SH2D3C: variants seen among roughly 807,000 people sequenced by gnomAD.
The protein encoded by SH2D3C is SH2 domain containing 3C, also known as SH2 domain-containing protein 3C.
In SH2D3C, 25 loss-of-function variants were observed where a neutral mutation model predicts 75.2. The ratio of observed to expected loss-of-function variants is 0.33; its 90% CI spans 0.24 to 0.46. The LOEUF (loss-of-function observed/expected upper bound fraction) is 0.46. Among genes scored for constraint, SH2D3C ranks in the 20% least tolerant of loss-of-function variants. The pLI, the probability that SH2D3C is intolerant of heterozygous loss-of-function variation, is 1.00. For synonymous variants in SH2D3C, 450 were observed against 473.7 expected (o/e 0.95, Z 0.65); for missense variants, 933 against 1,165.3 (o/e 0.80, Z 2.90).
intron 3 of SH2D3C, among the ~76,000 whole-genome samples, chr9:127,755,502 G>A (rs1845356318): frequency 6.6e-6 from 1 of 152,182 alleles, no homozygotes; most frequent in Admixed American, 6.5e-5. Context: ...GGATCGGGTG[G>A]GGACCCATGG....
rs1222400409 is a variant in SH2D3C, at chr9:127,761,657, GGA to G, written c.516-9_516-8del. On this transcript the variant is annotated splice_region_variant and splice_polypyrimidine_tract_variant and intron_variant, in intron 2 of 11. Coordinates refer to ENST00000314830, the MANE Select transcript of SH2D3C (RefSeq NM_170600.3). Reference sequence around the variant, plus strand: ...CTCTGGCTCTCCAGCAGCCCTGGAAGGAGAAAAGACAAGTGAGCATCCCCAGC... The same window carrying G: ...CTCTGGCTCTCCAGCAGCCCTGGAAGGAAAAGACAAGTGAGCATCCCCAGC... 1 of 1,610,346 alleles carries G rather than the reference GGA, an allele frequency of 6.2e-7. No individual in the cohort carries two copies. Among genetic ancestry groups the G allele is most frequent in the Non-Finnish European group, 8.5e-7 (1 of 1,178,138 alleles).
intron 2 of SH2D3C, among the ~76,000 whole-genome samples, chr9:127,765,338 C>T (rs1472053249): frequency 6.6e-6 from 1 of 152,224 alleles, no homozygotes; most frequent in Non-Finnish European, 1.5e-5. Context: ...CAGGGACTAG[C>T]TCCTCTCACT....
In SH2D3C at chr9:127,739,988, A is replaced by G; in HGVS notation, c.2201-100T>C. The stretch of plus-strand genomic sequence containing the variant: ...GTGCAGGAGGGAACGGGCCTGGCTG[A>G]GGTCCGGGAGAGAGCCCCAAGGGCT... On this transcript the variant is annotated intron_variant, in intron 10 of 11. Coordinates refer to ENST00000314830, the MANE Select transcript of SH2D3C (RefSeq NM_170600.3). The surrounding 1 kb of genome is among the most constrained non-coding windows in gnomAD (Gnocchi z 4.3). 1 of 1,168,234 alleles carries G rather than the reference A, an allele frequency of 8.6e-7. No homozygotes were observed. Among genetic ancestry groups the G allele is most frequent in the Non-Finnish European group, 1.2e-6 (1 of 843,844 alleles). 72.4% of individuals were successfully genotyped at this position (1,168,234 alleles called of 1,614,324 possible).
rs773374112 is a variant in SH2D3C, at chr9:127,749,366, G to A, written c.984C>T (p.Leu328=). The part of the protein sequence containing the change: ...PVNRTFPLRY[L]EASYGLGQGS... ...CCTGTCCCAGGCCATAGCTGGCCTC[G>A]AGGTAGCGCAGTGGGAAGGTGCGGT... The change falls in exon 5 of 12, where the codon CTC becomes CTT. Residue 328 remains leucine (L), a synonymous_variant. Transcript: ENST00000314830. This position sits in a 1 kb window ranked among gnomAD's most constrained non-coding sequence, Gnocchi z 5.9. 17 of 1,613,724 alleles carry A rather than the reference G, an allele frequency of 1.1e-5. No homozygotes were observed. Among genetic ancestry groups the A allele is most frequent in the African/African-American group, 1.3e-5 (1 of 74,930 alleles).
intron 8 of SH2D3C, among the ~76,000 whole-genome samples, chr9:127,742,168 C>T (rs1018327076): frequency 1.5e-4 from 23 of 151,938 alleles, no homozygotes; most frequent in Admixed American, 1.4e-3. Context: ...AGGGGCGGGG[C>T]CAGAGCTGTG....
Position 127,749,390 on chromosome 9 carries a change from G to T in SH2D3C, c.960C>A (p.Asn320Lys). Reference sequence around the variant, plus strand: ...CGAGGTAGCGCAGTGGGAAGGTGCGGTTCACCGGGCAGTAGATGATGGCAC... The same window carrying T: ...CGAGGTAGCGCAGTGGGAAGGTGCGTTTCACCGGGCAGTAGATGATGGCAC... The part of the protein sequence containing the change: ...QSGAIIYCPV[N>K]RTFPLRYLEA... The change falls in exon 5 of 12, where the codon AAC (asparagine) becomes AAA (lysine). Residue 320 changes from asparagine (N) to lysine (K), a missense_variant. Physicochemically the swap from Asn to Lys is moderately conservative, Grantham distance 94. Coordinates refer to ENST00000314830, the MANE Select transcript of SH2D3C (RefSeq NM_170600.3). This position sits in a 1 kb window ranked among gnomAD's most constrained non-coding sequence, Gnocchi z 5.9. 1 of 1,614,082 alleles carries T rather than the reference G, an allele frequency of 6.2e-7. No homozygotes were observed. Among genetic ancestry groups the T allele is most frequent in the Non-Finnish European group, 8.5e-7 (1 of 1,180,040 alleles).
chr9:127,750,600 C>T (rs1347750063), intron 4 of SH2D3C, among the ~76,000 whole-genome samples: 1 of 152,238 alleles, frequency 6.6e-6, no homozygotes, highest in African/African-American at 2.4e-5. Context: ...AGTCCCCCAC[C>T]CTGGGCCATT....
Position 127,749,711 on chromosome 9 carries a change from G to A in SH2D3C, c.685-46C>T, listed in dbSNP as rs1228905461. The A allele has an allele frequency of 7.6e-7, 1 of 1,309,114 alleles. No homozygotes were observed. The highest frequency in any genetic ancestry group is 1.1e-6 in the Non-Finnish European group (1 of 941,250). 81.1% of individuals were successfully genotyped at this position (1,309,114 alleles called of 1,614,324 possible). Reference sequence around the variant, plus strand: ...CTGGAGTAGGGTGGGGCCAGGAGAGGGTCAGACCCAGGATCTGGGGGACAG... The same window carrying A: ...CTGGAGTAGGGTGGGGCCAGGAGAGAGTCAGACCCAGGATCTGGGGGACAG... On this transcript the variant is annotated intron_variant, in intron 4 of 11. Coordinates refer to ENST00000314830, the MANE Select transcript of SH2D3C (RefSeq NM_170600.3). This position sits in a 1 kb window ranked among gnomAD's most constrained non-coding sequence, Gnocchi z 5.9.
At chr9:127,773,556 T>G (rs1265868848) in intron 2 of SH2D3C, among the ~76,000 whole-genome samples, 1 of 152,188 alleles carries the variant, frequency 6.6e-6, no homozygotes, top group Non-Finnish European at 1.5e-5. Context: ...CTTTTGCTAA[T>G]TACAAGTAAA....
intron 5 of SH2D3C, among the ~76,000 whole-genome samples, chr9:127,748,012 T>C (rs1325932129): frequency 1.3e-5 from 2 of 152,020 alleles, no homozygotes; most frequent in Non-Finnish European, 2.9e-5. Flanking sequence ...GAGGAGAGGA[T>C]GGGAAAGGGG....
At chr9:127,773,932 G>T in intron 2 of SH2D3C, 58 bp downstream of exon 2, 2 of 963,866 alleles carry the variant, frequency 2.1e-6, no homozygotes, top group Non-Finnish European at 3.1e-6. Context: ...AAAAAAAAAA[G>T]AAAAAGAAAA....
chr9:127,747,112 C>T, intron 6 of SH2D3C, 35 bp downstream of exon 6: 7 of 1,603,982 alleles, frequency 4.4e-6, no homozygotes, highest in Non-Finnish European at 6.0e-6. Context: ...ACAACAGATT[C>T]CCTCCACCTG....
rs1845294348 is a variant in SH2D3C at position 127,754,335 on chromosome 9, G to T, written c.556-3035C>A. On this transcript the variant is annotated intron_variant, in intron 3 of 11. Transcript: ENST00000314830. The surrounding 1 kb of genome is among the most constrained non-coding windows in gnomAD (Gnocchi z 4.4). ...TGGCATCTCCCAGGGGGCTCAGGGG[G>T]CAGGAGCGCGGAGACCCCCGGACAG... Among the ~76,000 whole-genome samples the T allele has an allele frequency of 6.6e-6, 1 of 152,056 alleles. No homozygotes were observed. Among genetic ancestry groups the T allele is most frequent in the African/African-American group, 2.4e-5 (1 of 41,410 alleles).
In SH2D3C at chr9:127,749,626, T is replaced by C. The variant is rs916800869; in HGVS notation, c.724A>G (p.Ile242Val). 6.3e-7 allele frequency: 1 copy of C among 1,580,904 alleles called. No individual in the cohort carries two copies. Among genetic ancestry groups the C allele is most frequent in the Non-Finnish European group, 8.6e-7 (1 of 1,165,502 alleles). The change falls in exon 5 of 12, where the codon ATC becomes GTC. Residue 242 changes from isoleucine (I) to valine (V), a missense_variant. By Grantham distance (29) the Ile-to-Val change is conservative. Coordinates refer to ENST00000314830, the MANE Select transcript of SH2D3C (RefSeq NM_170600.3). This position sits in a 1 kb window ranked among gnomAD's most constrained non-coding sequence, Gnocchi z 5.9. ...TLVQRNGDFL[I>V]RDSLTSLGDY... ...CCCAGGCTGGTGAGTGAGTCCCGGATGAGGAAGTCGCCGTTGCGTTGTACC... is the reference window on the plus strand; with the variant it reads ...CCCAGGCTGGTGAGTGAGTCCCGGACGAGGAAGTCGCCGTTGCGTTGTACC...
Position 127,741,820 on chromosome 9 carries a change from C to A in SH2D3C, c.2056G>T (p.Ala686Ser). ...ATGTCCAGGGCACCCATGACCGCCG[C>A]GAAGCTGAACATGTTGCCCATAGTC... Reference protein sequence around the residue: ...RGTMGNMFSFAAVMGALDMAQ... With the variant: ...RGTMGNMFSFSAVMGALDMAQ... Residue 686 changes from alanine (A) to serine (S), a missense_variant, in exon 9 of 12, where the codon GCG (alanine) becomes TCG (serine). Physicochemically the swap from Ala to Ser is moderately conservative, Grantham distance 99 (BLOSUM62 1). Transcript: ENST00000314830. 3 of 1,613,376 alleles carry A rather than the reference C, an allele frequency of 1.9e-6. No homozygotes were observed. The highest frequency in any genetic ancestry group is 1.7e-6 in the Non-Finnish European group (2 of 1,180,030).
At position 127,773,108 on chromosome 9, in the gene SH2D3C, C is replaced by T. The variant is rs184274911; in HGVS notation, c.515+882G>A. Among the ~76,000 whole-genome samples, 15 of 152,264 alleles carry T rather than the reference C, an allele frequency of 9.9e-5. No individual in the cohort carries two copies. In the East Asian group the frequency reaches 1.2e-3, roughly 12 times the overall value. On this transcript the variant is annotated intron_variant, in intron 2 of 11. Coordinates refer to ENST00000314830, the MANE Select transcript of SH2D3C (RefSeq NM_170600.3). ...TACAGGCATGAGCCACTGCACCCAG[C>T]CTTAATGATTGAATCTTCTATGGAG...
chr9:127,745,416 CATG>C (rs1321029075), intron 6 of SH2D3C, among the ~76,000 whole-genome samples: 1 of 147,732 alleles, frequency 6.8e-6, no homozygotes, highest in Non-Finnish European at 1.5e-5. Flanking sequence ...TCTTGTGCCA[CATG>C]TGATTGTTTC....
In SH2D3C at chr9:127,762,261, G is replaced by A. The variant is rs879740576; in HGVS notation, c.516-611C>T. Reference sequence around the variant, plus strand: ...CCTGGAGAGGCCAGAGGCCAGAGACGGCTGTTTTTCCTTCCTTCCTCCTGA... The same window carrying A: ...CCTGGAGAGGCCAGAGGCCAGAGACAGCTGTTTTTCCTTCCTTCCTCCTGA... On this transcript the variant is annotated intron_variant, in intron 2 of 11. Coordinates refer to ENST00000314830, the MANE Select transcript of SH2D3C (RefSeq NM_170600.3). The A allele has an allele frequency of 1.5e-5, 18 of 1,237,186 alleles. No homozygotes were observed. The Admixed American group carries it at 2.7e-4, about 19-fold the overall frequency. 76.6% of individuals were successfully genotyped at this position (1,237,186 alleles called of 1,614,324 possible).
chr9:127,741,865 G>T lies in SH2D3C; in HGVS notation c.2011C>A (p.Leu671Met). ...ATAGTCCCCCGCAGCTCGGCCGCCA[G>T]CTGAATGGTCTTGTGCAGCAGCGCT... ...RAALLHKTIQ[L>M]AAELRGTMGN... Residue 671 changes from leucine (L) to methionine (M), a missense_variant, in exon 9 of 12, where the codon CTG (leucine) becomes ATG (methionine). Leu to Met is a conservative substitution (Grantham distance 15, BLOSUM62 2). Coordinates refer to ENST00000314830, the MANE Select transcript of SH2D3C (RefSeq NM_170600.3). 1.2e-6 allele frequency: 2 copies of T among 1,613,326 alleles called. No homozygotes were observed. Among genetic ancestry groups the T allele is most frequent in the Non-Finnish European group, 1.7e-6 (2 of 1,180,014 alleles).
Sources: allele counts gnomAD v4.1 joint callset (sites outside exome capture counted in the v4.1 genomes callset), GRCh38; gene constraint gnomAD v4.1.1; non-coding constraint Gnocchi (gnomAD v3.1); transcripts MANE v1.5; gene names NCBI Gene and HGNC (gene_info 2026-07-23, HGNC 2026-07-21).